RNF169: variants seen among roughly 807,000 people sequenced by gnomAD.
RNF169 encodes the protein ring finger protein 169.
In RNF169, 24 loss-of-function variants were observed where a neutral mutation model predicts 53.9. The ratio of observed to expected loss-of-function variants is 0.45; its 90% CI spans 0.32 to 0.63. The LOEUF (loss-of-function observed/expected upper bound fraction) is 0.63, where lower values mean the gene tolerates loss of function less well. Ranked by LOEUF, RNF169 falls within the 20% of genes least tolerant of loss-of-function variation. The probability of loss-of-function intolerance (pLI) is 0.04; values close to 1 mark genes in which losing one functional copy is unlikely to be tolerated. For synonymous variants in RNF169, 396 were observed against 363.5 expected (o/e 1.09, Z -1.02); for missense variants, 883 against 906.2 (o/e 0.97, Z 0.33).
intron 3 of RNF169, among the ~76,000 whole-genome samples, chr11:74,814,329 C>T (rs1300769889): frequency 2.9e-5 from 4 of 138,402 alleles, no homozygotes; most frequent in African/African-American, 1.1e-4. Context: ...GACTCTGTCT[C>T]AAAAACAAAC....
At chr11:74,771,951 ATAAT>A (rs893519782) in intron 1 of RNF169, among the ~76,000 whole-genome samples, 2 of 152,212 alleles carry the variant, frequency 1.3e-5, no homozygotes, top group African/African-American at 2.4e-5. Flanking sequence ...CATCCTTAAG[ATAAT>A]TAATTATGTA....
intron 1 of RNF169, among the ~76,000 whole-genome samples, chr11:74,785,187 A>ATATATATATGT (rs1491349458): frequency 4.8e-5 from 4 of 82,650 alleles, no homozygotes; most frequent in African/African-American, 3.2e-4. Context: ...TATATATATG[A>ATATATATATGT]TATATATATG....
intron 1 of RNF169, among the ~76,000 whole-genome samples, chr11:74,753,372 A>G (rs1050544548): frequency 6.6e-6 from 1 of 152,244 alleles, no homozygotes; most frequent in Non-Finnish European, 1.5e-5. Flanking sequence ...AGTAGATGAA[A>G]AAGGGTCAAC....
At chr11:74,767,952 T>G (rs906036206) in intron 1 of RNF169, among the ~76,000 whole-genome samples, 2 of 152,164 alleles carry the variant, frequency 1.3e-5, no homozygotes, top group African/African-American at 4.8e-5. Context: ...GTCTTGAGAT[T>G]ACAGGTGTGA....
chr11:74,833,428 C>T (rs1053089845), intron 4 of RNF169, among the ~76,000 whole-genome samples: 13 of 152,334 alleles, frequency 8.5e-5, no homozygotes, highest in African/African-American at 3.1e-4. Flanking sequence ...CCTTGACTTA[C>T]GGCATATTCC....
At chr11:74,764,454 G>T (rs1565171212) in intron 1 of RNF169, among the ~76,000 whole-genome samples, 1 of 152,146 alleles carries the variant, frequency 6.6e-6, no homozygotes, top group Non-Finnish European at 1.5e-5. Context: ...GAACCCAGGA[G>T]GCGGTGAGCC....
At chr11:74,785,069 G>A (rs897924849) in intron 1 of RNF169, among the ~76,000 whole-genome samples, 2 of 150,334 alleles carry the variant, frequency 1.3e-5, no homozygotes, top group Admixed American at 1.3e-4. Flanking sequence ...GTGCTCTTCC[G>A]CATTCCTATG....
intron 4 of RNF169, 56 bp from the exon 5 acceptor site, chr11:74,834,620 C>A (rs2036226039): frequency 2.4e-6 from 3 of 1,256,236 alleles, no homozygotes; most frequent in Non-Finnish European, 3.3e-6. Context: ...CATCCTTTTT[C>A]CTTACCTATA....
intron 4 of RNF169, among the ~76,000 whole-genome samples, chr11:74,824,932 C>T (rs486487): frequency 0.96 from 146,300 of 152,312 alleles, 70,318 homozygotes; most frequent in East Asian, 1. Context: ...GGAGAATGGA[C>T]TTAAAAAAGA....
At position 74,842,263 on chromosome 11, in the gene RNF169, G is replaced by C. The variant is rs985396378; in HGVS notation, c.*5533G>C. 1 of 152,260 alleles carries C rather than the reference G, an allele frequency of 6.6e-6. No homozygotes were observed. The allele number at this position is 152,260 out of a possible 1,614,324, so 9.4% of individuals were successfully genotyped here. A position where few individuals can be genotyped will look rare whatever the true frequency, so the allele number is the denominator to read the frequency against. ...TTGGACCAGGGCATGCCCTGTTGGG[G>C]ATGTTTCTGTCAGCAAGGACATGGC... On this transcript the variant is annotated 3_prime_UTR_variant, in exon 6 of 6. Coordinates refer to ENST00000299563, the MANE Select transcript of RNF169 (RefSeq NM_001098638.2).
At chr11:74,789,801 T>G (rs2035555415) in intron 2 of RNF169, 102 bp downstream of exon 2, 2 of 696,158 alleles carry the variant, frequency 2.9e-6, no homozygotes, top group South Asian at 3.8e-5. Context: ...AAATTTATAA[T>G]GCAGAGCCTT....
At chr11:74,790,917 T>G (rs2035569585) in intron 2 of RNF169, among the ~76,000 whole-genome samples, 2 of 152,240 alleles carry the variant, frequency 1.3e-5, no homozygotes, top group African/African-American at 4.8e-5. Flanking sequence ...CTTTTCTTGT[T>G]GCCCACAACA....
intron 1 of RNF169, among the ~76,000 whole-genome samples, chr11:74,765,207 T>C (rs1318153477): frequency 6.6e-6 from 1 of 152,194 alleles, no homozygotes. Context: ...AGATCCTGTC[T>C]CAACGAATGG....
chr11:74,836,741 A>C lies in RNF169; in HGVS notation c.*11A>C. Reference sequence around the variant, plus strand: ...GCCGGGGCCAAGTAGCACCTAATGAAGTGTTACCTATTTTTAAAAGGTCTT... The same window carrying C: ...GCCGGGGCCAAGTAGCACCTAATGACGTGTTACCTATTTTTAAAAGGTCTT... On this transcript the variant is annotated 3_prime_UTR_variant, in exon 6 of 6. Transcript: ENST00000299563. 1 of 1,579,362 alleles carries C rather than the reference A, an allele frequency of 6.3e-7. No individual in the cohort carries two copies. Among genetic ancestry groups the C allele is most frequent in the Admixed American group, 1.7e-5 (1 of 58,044 alleles).
At chr11:74,779,334 C>T (rs1052364658) in intron 1 of RNF169, among the ~76,000 whole-genome samples, 8 of 151,952 alleles carry the variant, frequency 5.3e-5, no homozygotes, top group Non-Finnish European at 7.4e-5. Context: ...TAGTAGTAAT[C>T]GGTGGTGTAA....
At position 74,835,991 on chromosome 11, in the gene RNF169, T is replaced by C. The variant is rs1203480443; in HGVS notation, c.1388T>C (p.Leu463Ser). The C allele has an allele frequency of 6.2e-7, 1 of 1,614,140 alleles. No individual in the cohort carries two copies. The highest frequency in any genetic ancestry group is 2.2e-5 in the East Asian group (1 of 44,878). Residue 463 changes from leucine (L) to serine (S), a missense_variant, in exon 6 of 6, where the codon TTA becomes TCA. Leu to Ser is a moderately radical substitution (Grantham distance 145, BLOSUM62 -2). This residue lies in a region of RNF169 where 351 missense variants were observed against 337.3 expected (regional missense o/e 1.04). Coordinates refer to ENST00000299563, the MANE Select transcript of RNF169 (RefSeq NM_001098638.2). ...TSLAPEMGEE[L>S]LGSEGIHSSK... Reference sequence around the variant, plus strand: ...CTGGCTCCTGAAATGGGGGAAGAGTTACTAGGCTCTGAAGGTATCCATTCT... The same window carrying C: ...CTGGCTCCTGAAATGGGGGAAGAGTCACTAGGCTCTGAAGGTATCCATTCT...
intron 1 of RNF169, among the ~76,000 whole-genome samples, chr11:74,788,553 C>T (rs1209194334): frequency 6.6e-6 from 1 of 152,024 alleles, no homozygotes; most frequent in Non-Finnish European, 1.5e-5. Context: ...CCACCACACC[C>T]AGCTAATTTT....
At chr11:74,772,644 C>T (rs1294094690) in intron 1 of RNF169, among the ~76,000 whole-genome samples, 1 of 152,142 alleles carries the variant, frequency 6.6e-6, no homozygotes, top group African/African-American at 2.4e-5. Context: ...TTCTGAGCCT[C>T]AGCTTCCATA....
chr11:74,762,032 T>C (rs560754292), intron 1 of RNF169, among the ~76,000 whole-genome samples: 43 of 141,690 alleles, frequency 3.0e-4, no homozygotes, highest in African/African-American at 1.0e-3. Context: ...TAAACTTCCC[T>C]TCTCGCTTCA....
Sources: gnomAD v4.1 joint callset for allele counts (sites outside exome capture counted in the v4.1 genomes callset) on GRCh38, gnomAD v4.1.1 for gene constraint, gnomAD v4.1.1 regional missense constraint, MANE v1.5 for transcripts, NCBI Gene and HGNC (gene_info 2026-07-23, HGNC 2026-07-21) for gene names.